GIT1: variants seen among roughly 807,000 people sequenced by gnomAD.
The protein encoded by GIT1 is GIT ArfGAP 1, also known as ARF GTPase-activating protein GIT1.
GIT1 carries 14 observed loss-of-function variants against 91.7 expected under a neutral mutation model. The ratio of observed to expected loss-of-function variants is 0.15; its 90% CI spans 0.10 to 0.24. The LOEUF (loss-of-function observed/expected upper bound fraction) is 0.24, where lower values mean the gene tolerates loss of function less well. Ranked by LOEUF, GIT1 falls within the 10% of genes least tolerant of loss-of-function variation. GIT1 has a pLI of 1.00. For synonymous variants in GIT1, 414 were observed against 418.2 expected (o/e 0.99, Z 0.12); for missense variants, 717 against 1,024.9 (o/e 0.70, Z 4.10).
intron 4 of GIT1, 93 bp from the exon 5 acceptor site, chr17:29,582,237 G>A: frequency 1.1e-6 from 1 of 949,598 alleles, no homozygotes. Flanking sequence ...GGGACACCTA[G>A]CAGCTCCAAG....
intron 7 of GIT1, among the ~76,000 whole-genome samples, chr17:29,580,595 C>A (rs189047047): frequency 6.6e-6 from 1 of 152,262 alleles, no homozygotes; most frequent in East Asian, 1.9e-4. Flanking sequence ...CCTCAGCGCA[C>A]GTGCCTAATT....
chr17:29,576,646 C>G lies in GIT1; in HGVS notation c.1256G>C (p.Gly419Ala). 1 of 1,613,974 alleles carries G rather than the reference C, an allele frequency of 6.2e-7. No homozygotes were observed. The highest frequency in any genetic ancestry group is 8.5e-7 in the Non-Finnish European group (1 of 1,179,980). The change falls in exon 13 of 20, where the codon GGG becomes GCG. Residue 419 changes from glycine (G) to alanine (A), a missense_variant. This residue lies in a region of GIT1 where 312 missense variants were observed against 349.5 expected (regional missense o/e 0.89). Transcript: ENST00000225394. ...CAGGTACTCCTGCAGCGTCACAGCC[C>G]CGTCAGACAAGTCCGAGGAGTCCAT... The part of the protein sequence containing the change: ...RSMDSSDLSD[G>A]AVTLQEYLEL...
At chr17:29,588,077 C>T (rs2033655800) in intron 1 of GIT1, among the ~76,000 whole-genome samples, 1 of 152,156 alleles carries the variant, frequency 6.6e-6, no homozygotes, top group Admixed American at 6.5e-5. Flanking sequence ...TCATAGTTCC[C>T]AAATACTCTA....
At chr17:29,584,635 C>T (rs2033522798) in intron 1 of GIT1, among the ~76,000 whole-genome samples, 1 of 152,242 alleles carries the variant, frequency 6.6e-6, no homozygotes. Context: ...GGACACTTTG[C>T]TCTGCCCAGC....
In GIT1 at chr17:29,577,568, C is replaced by A. The variant is rs558801831; in HGVS notation, c.981+77G>T. The A allele has an allele frequency of 7.3e-6, 7 of 957,824 alleles. No homozygotes were observed. The East Asian group carries it at 1.7e-4, about 23-fold the overall frequency. The allele number at this position is 957,824 out of a possible 1,614,324, so 59.3% of individuals were successfully genotyped here. ...GCAAATGCTGGAGAGCTGGCTCAGGCCCCAGCCCACTGCCGGATGAGGAGG... is the reference window on the plus strand; with the variant it reads ...GCAAATGCTGGAGAGCTGGCTCAGGACCCAGCCCACTGCCGGATGAGGAGG... On this transcript the variant is annotated intron_variant, in intron 10 of 19. Coordinates refer to ENST00000225394, the MANE Select transcript of GIT1 (RefSeq NM_014030.4).
intron 14 of GIT1, 23 bp downstream of exon 14, chr17:29,576,197 C>T (rs751904658): frequency 1.2e-6 from 2 of 1,607,790 alleles, no homozygotes; most frequent in Middle Eastern, 1.7e-4. Flanking sequence ...CTCCCCACAC[C>T]TTGAGACCCA....
rs1188050374 is a variant in GIT1 at position 29,589,515 on chromosome 17, C to T, written c.-137G>A. ...GCGAGGCTCCGCGCGCCCGGCCAAC[C>T]GTCCGCCCCGGGGCTGGCCCGGAAC... On this transcript the variant is annotated 5_prime_UTR_variant, in exon 1 of 20. Coordinates refer to ENST00000225394, the MANE Select transcript of GIT1 (RefSeq NM_014030.4). This position sits in a 1 kb window ranked among gnomAD's most constrained non-coding sequence, Gnocchi z 5.2. 9.9e-6 allele frequency: 2 copies of T among 202,824 alleles called. No homozygotes were observed. Among genetic ancestry groups the T allele is most frequent in the Non-Finnish European group, 1.7e-5 (2 of 117,580 alleles). The allele number at this position is 202,824 out of a possible 1,614,324, so 12.6% of individuals were successfully genotyped here.
At chr17:29,579,286 G>A in intron 7 of GIT1, 1 of 471,380 alleles carries the variant, frequency 2.1e-6, no homozygotes, top group Non-Finnish European at 3.8e-6. Flanking sequence ...CCTGTTGCCT[G>A]GGCTTTGTAA....
At chr17:29,587,702 T>C (rs577953225) in intron 1 of GIT1, among the ~76,000 whole-genome samples, 11 of 152,268 alleles carry the variant, frequency 7.2e-5, no homozygotes, top group Non-Finnish European at 1.3e-4. Flanking sequence ...TCCAACTTCT[T>C]TGCCTCTGAA....
In GIT1 at chr17:29,582,753, A is replaced by C; in HGVS notation, c.350T>G (p.Val117Gly). The C allele has an allele frequency of 6.2e-7, 1 of 1,613,790 alleles. No homozygotes were observed. Among genetic ancestry groups the C allele is most frequent in the Non-Finnish European group, 8.5e-7 (1 of 1,180,020 alleles). The change falls in exon 4 of 20, where the codon GTG becomes GGG. Residue 117 changes from valine (V) to glycine (G), a missense_variant. Around this residue, in one of 3 missense-constraint regions of GIT1, gnomAD observed 271 missense variants for 451.6 expected, o/e 0.60. Coordinates refer to ENST00000225394, the MANE Select transcript of GIT1 (RefSeq NM_014030.4). ...ATCGTCCCGGCAGGGAAGCTTGTGC[A>C]CAAATGCCAGCATCTGGTACTTGGC... The part of the protein sequence containing the change: ...IRAKYQMLAF[V>G]HKLPCRDDDG...
Position 29,576,909 on chromosome 17 carries a change from T to C in GIT1, c.1181A>G (p.Gln394Arg), listed in dbSNP as rs2033228354. Residue 394 changes from glutamine to arginine, a missense_variant, in exon 12 of 20, where the codon CAG becomes CGG. Gln to Arg is a conservative substitution (Grantham distance 43). Transcript: ENST00000225394. Reference sequence around the variant, plus strand: ...GGCGCCGGTGCTGCGCAGGGGCTCCTGGTCTGTGTCCTCGTCAGAGGCCAC... The same window carrying C: ...GGCGCCGGTGCTGCGCAGGGGCTCCCGGTCTGTGTCCTCGTCAGAGGCCAC... Reference protein sequence around the residue: ...DSVASDEDTDQEPLRSTGATR... With the variant: ...DSVASDEDTDREPLRSTGATR... The C allele has an allele frequency of 6.3e-7, 1 of 1,580,454 alleles. No individual in the cohort carries two copies. Among genetic ancestry groups the C allele is most frequent in the Non-Finnish European group, 8.6e-7 (1 of 1,165,434 alleles).
intron 12 of GIT1, 78 bp from the exon 13 acceptor site, chr17:29,576,752 G>A (rs2033219526): frequency 6.3e-7 from 1 of 1,591,852 alleles, no homozygotes; most frequent in Admixed American, 1.7e-5. Flanking sequence ...ATTGAGGCTA[G>A]GAGCAGCCCA....
chr17:29,587,030 C>T (rs551742345), intron 1 of GIT1, among the ~76,000 whole-genome samples: 31 of 152,238 alleles, frequency 2.0e-4, no homozygotes, highest in Non-Finnish European at 3.1e-4. Context: ...CCTCCATGAC[C>T]CCCCAAATTA....
At position 29,574,205 on chromosome 17, in the gene GIT1, G is replaced by A. The variant is rs1373496243; in HGVS notation, c.*497C>T. 1.9e-5 allele frequency: 3 copies of A among 155,476 alleles called. No homozygotes were observed. Among genetic ancestry groups the A allele is most frequent in the Non-Finnish European group, 4.3e-5 (3 of 70,308 alleles). 9.6% of individuals were successfully genotyped at this position (155,476 alleles called of 1,614,324 possible). ...AGGTTGGGGCCTGTGCCCTAGGCAG[G>A]GGCCATATGGCATTAAAGGGAGAGC... On this transcript the variant is annotated 3_prime_UTR_variant, in exon 20 of 20. Transcript: ENST00000225394.
rs764536247 is a variant in GIT1, at chr17:29,581,974, G to A, written c.576C>T (p.Asp192=). Residue 192 remains aspartate, a synonymous_variant, in exon 5 of 20, where the codon GAC becomes GAT. Transcript: ENST00000225394. This position sits in a 1 kb window ranked among gnomAD's most constrained non-coding sequence, Gnocchi z 4.8. ...GGCCATTAACATCAGGGGAGCCAGG[G>A]TCAGCCCCATACACTACAAGCAGCT... ...QAELLVVYGA[D]PGSPDVNGRT... 19 of 1,612,776 alleles carry A rather than the reference G, an allele frequency of 1.2e-5. No individual in the cohort carries two copies. In the South Asian group the frequency reaches 1.8e-4, roughly 15 times the overall value.
chr17:29,586,350 C>T (rs55644350), intron 1 of GIT1, among the ~76,000 whole-genome samples: 52,151 of 152,048 alleles, frequency 0.34, 10,509 homozygotes, highest in East Asian at 0.65. Flanking sequence ...AGCTCACCAG[C>T]TATCATTAGT....
At position 29,575,930 on chromosome 17, in the gene GIT1, G is replaced by A; in HGVS notation, c.1666-32C>T. The stretch of plus-strand genomic sequence containing the variant: ...CCCAGGGCAGCGCTGGATGGAGTCA[G>A]TGTGCCCCACTGCCCCCCTGCTCAC... On this transcript the variant is annotated intron_variant, in intron 15 of 19. Coordinates refer to ENST00000225394, the MANE Select transcript of GIT1 (RefSeq NM_014030.4). This position sits in a 1 kb window ranked among gnomAD's most constrained non-coding sequence, Gnocchi z 5.5. 6.4e-7 allele frequency: 1 copy of A among 1,574,682 alleles called. No individual in the cohort carries two copies. Among genetic ancestry groups the A allele is most frequent in the Non-Finnish European group, 8.7e-7 (1 of 1,150,246 alleles).
chr17:29,576,488 G>C (rs552544807), intron 13 of GIT1, 34 bp downstream of exon 13: 9 of 1,613,134 alleles, frequency 5.6e-6, no homozygotes, highest in Non-Finnish European at 7.6e-6. Context: ...CTGGAGTCCT[G>C]GGGCTCCCCC....
intron 4 of GIT1, 148 bp downstream of exon 4, chr17:29,582,550 A>T (rs575407198): frequency 1.6e-6 from 1 of 631,190 alleles, no homozygotes; most frequent in East Asian, 2.7e-5. Context: ...CTGACCCAAC[A>T]ATCTGCTCTC....
Sources: gnomAD v4.1 joint callset for allele counts (sites outside exome capture counted in the v4.1 genomes callset) on GRCh38, gnomAD v4.1.1 for gene constraint, gnomAD v4.1.1 regional missense constraint, Gnocchi (gnomAD v3.1) non-coding constraint, MANE v1.5 for transcripts, NCBI Gene and HGNC (gene_info 2026-07-23, HGNC 2026-07-21) for gene names.